Variants in MRGBP observed in about 807,000 individuals in gnomAD.
The protein encoded by MRGBP is MRG domain binding protein, also known as MRG/MORF4L-binding protein.
In MRGBP, 5 loss-of-function variants were observed where a neutral mutation model predicts 21.5. The observed-to-expected ratio is 0.23, with a 90% CI of 0.12 to 0.49. The LOEUF is 0.49. MRGBP is among the 20% of genes least tolerant of loss of function. The probability of loss-of-function intolerance (pLI) is 0.98; values close to 1 mark genes in which losing one functional copy is unlikely to be tolerated. For missense variants in MRGBP, 227 were observed against 277.4 expected, an observed-to-expected ratio of 0.82 and a Z score of 1.29; for synonymous variants, 118 against 104.4, an observed-to-expected ratio of 1.13 and a Z score of -0.79.
In MRGBP at chr20:62,801,156, A is replaced by G. The variant is rs1167244820; in HGVS notation, c.*1513A>G. 3 of 152,224 alleles carry G rather than the reference A, an allele frequency of 2.0e-5. No individual in the cohort carries two copies. Among genetic ancestry groups the G allele is most frequent in the East Asian group, 1.9e-4 (1 of 5,200 alleles). The allele number at this position is 152,224 out of a possible 1,614,324, so 9.4% of individuals were successfully genotyped here. A position where few individuals can be genotyped will look rare whatever the true frequency, so the allele number is the denominator to read the frequency against. On this transcript the variant is annotated 3_prime_UTR_variant, in exon 5 of 5. Transcript: ENST00000370487. ...CCTGCCACTCGTCTGCACCAAACGC[A>G]CTGCCAGTTCTGGGGAAGAACAGCC...
rs1332484126 is a variant in MRGBP, at chr20:62,796,573, C to T, written c.50C>T (p.Pro17Leu). 2.4e-6 allele frequency: 3 copies of T among 1,254,898 alleles called. No individual in the cohort carries two copies. The highest frequency in any genetic ancestry group is 2.5e-5 in the South Asian group (1 of 39,532). 77.7% of individuals were successfully genotyped at this position (1,254,898 alleles called of 1,614,324 possible). A position where few individuals can be genotyped will look rare whatever the true frequency, so the allele number is the denominator to read the frequency against. Residue 17 changes from proline to leucine, a missense_variant, in exon 1 of 5, where the codon CCG becomes CTG. Pro to Leu is a moderately conservative substitution (Grantham distance 98). Around this residue, in one of 2 missense-constraint regions of MRGBP, gnomAD observed 65 missense variants for 49.7 expected, o/e 1.31. Transcript: ENST00000370487. The stretch of plus-strand genomic sequence containing the variant: ...GGGGGCGCCGCAGGCGACAAGGGCC[C>T]GGGGGAGGCGGCCACCAGCCCGGCG... The part of the protein sequence containing the change: ...GGGGAAGDKG[P>L]GEAATSPAEE...
rs932669136 is a variant in MRGBP, at chr20:62,799,859, C to T, written c.*216C>T. 1.8e-6 allele frequency: 1 copy of T among 561,794 alleles called. No individual in the cohort carries two copies. Among genetic ancestry groups the T allele is most frequent in the African/African-American group, 1.9e-5 (1 of 53,392 alleles). The allele number at this position is 561,794 out of a possible 1,614,324, so 34.8% of individuals were successfully genotyped here. Reference sequence around the variant, plus strand: ...TGGGACCCTGATGGACCTGAAAGACCAGGATCGGTCCAGCTCAGATATTGA... The same window carrying T: ...TGGGACCCTGATGGACCTGAAAGACTAGGATCGGTCCAGCTCAGATATTGA... On this transcript the variant is annotated 3_prime_UTR_variant, in exon 5 of 5. Transcript: ENST00000370487.
intron 4 of MRGBP, 86 bp downstream of exon 4, chr20:62,799,135 G>C: frequency 7.1e-7 from 1 of 1,417,418 alleles, no homozygotes; most frequent in Non-Finnish European, 9.7e-7. Flanking sequence ...TCAGGTGGGC[G>C]TAGAGCCTGC....
In MRGBP at chr20:62,801,306, C is replaced by G. The variant is rs1990458031; in HGVS notation, c.*1663C>G. The G allele has an allele frequency of 6.6e-6, 1 of 152,248 alleles. No homozygotes were observed. The highest frequency in any genetic ancestry group is 2.1e-4 in the South Asian group (1 of 4,832). The allele number at this position is 152,248 out of a possible 1,614,324, so 9.4% of individuals were successfully genotyped here. A position where few individuals can be genotyped will look rare whatever the true frequency, so the allele number is the denominator to read the frequency against. On this transcript the variant is annotated 3_prime_UTR_variant, in exon 5 of 5. Coordinates refer to ENST00000370487, the MANE Select transcript of MRGBP (RefSeq NM_018270.6). ...AAATCCACAGCCCTGCAGTAACAGC[C>G]TGCCACAAAGAGCAGGCATCTGGAG...
chr20:62,796,493 C>T lies in MRGBP; in HGVS notation c.-31C>T, dbSNP rs999128831. On this transcript the variant is annotated 5_prime_UTR_variant, in exon 1 of 5. Transcript: ENST00000370487. ...AGCTCGTGGCCGCGCCTGCTCCCGC[C>T]GGGGGCTCCTTGCTCGGCCGGGCCG... is the stretch of plus-strand genomic sequence containing the variant. The T allele has an allele frequency of 2.7e-5, 30 of 1,118,718 alleles. No individual in the cohort carries two copies. The highest frequency in any genetic ancestry group is 3.2e-5 in the Non-Finnish European group (29 of 915,540). The allele number at this position is 1,118,718 out of a possible 1,614,324, so 69.3% of individuals were successfully genotyped here. A position where few individuals can be genotyped will look rare whatever the true frequency, so the allele number is the denominator to read the frequency against.
intron 2 of MRGBP, 138 bp downstream of exon 2, chr20:62,797,369 C>G: frequency 8.3e-7 from 1 of 1,208,950 alleles, no homozygotes; most frequent in Non-Finnish European, 1.1e-6. Flanking sequence ...CCCCTCCATG[C>G]CTGCTGGGGT....
rs544782615 is a variant in MRGBP at position 62,799,592 on chromosome 20, C to A, written c.564C>A (p.Thr188=). 3.7e-6 allele frequency: 6 copies of A among 1,613,668 alleles called. No individual in the cohort carries two copies. Among genetic ancestry groups the A allele is most frequent in the Non-Finnish European group, 5.1e-6 (6 of 1,180,016 alleles). Reference sequence around the variant, plus strand: ...GCCGGGTCACCGACAAAGTCCTGACCGCAAACAGCAACCCTTCCAGTCCCA... The same window carrying A: ...GCCGGGTCACCGACAAAGTCCTGACAGCAAACAGCAACCCTTCCAGTCCCA... ...KRSRVTDKVL[T]ANSNPSSPSA... Residue 188 remains threonine (T), a synonymous_variant, in exon 5 of 5, where the codon ACC becomes ACA. Coordinates refer to ENST00000370487, the MANE Select transcript of MRGBP (RefSeq NM_018270.6).
Position 62,799,016 on chromosome 20 carries a change from G to A in MRGBP, c.394G>A (p.Glu132Lys). 3 of 1,613,442 alleles carry A rather than the reference G, an allele frequency of 1.9e-6. No individual in the cohort carries two copies. Among genetic ancestry groups the A allele is most frequent in the Non-Finnish European group, 2.5e-6 (3 of 1,179,764 alleles). ...IEEEMKEEMKEDVDPHNGADD... is the reference protein window; with the variant it reads ...IEEEMKEEMKKDVDPHNGADD... ...AGAGGAGATGAAAGAGGAGATGAAG[G>A]AAGACGTGGACCCCCACAATGGGGC... is the stretch of plus-strand genomic sequence containing the variant. Residue 132 changes from glutamate to lysine, a missense_variant, in exon 4 of 5, where the codon GAA becomes AAA. Glu to Lys is a moderately conservative substitution (Grantham distance 56, BLOSUM62 1). Around this residue, in one of 2 missense-constraint regions of MRGBP, gnomAD observed 162 missense variants for 227.7 expected, o/e 0.71. Coordinates refer to ENST00000370487, the MANE Select transcript of MRGBP (RefSeq NM_018270.6).
chr20:62,798,424 AAAG>A (rs761293579), intron 2 of MRGBP, among the ~76,000 whole-genome samples, 160 bp from the exon 3 acceptor site: 1 of 152,182 alleles, frequency 6.6e-6, no homozygotes. Context: ...CTGTTCACAA[AAAG>A]AAGAAATGCC....
chr20:62,799,706 TG>T lies in MRGBP; in HGVS notation c.*66del, dbSNP rs1195111814. 8 of 1,519,812 alleles carry T rather than the reference TG, an allele frequency of 5.3e-6. No homozygotes were observed. The African/African-American group carries it at 1.1e-4, about 21-fold the overall frequency. The allele number at this position is 1,519,812 out of a possible 1,614,324, so 94.1% of individuals were successfully genotyped here. ...CACTGTGGTCGCTGAGGGGGTTGGC[TG>T]GGTCTGAGTGCCACCCCCCAGGCCA... On this transcript the variant is annotated 3_prime_UTR_variant, in exon 5 of 5. Coordinates refer to ENST00000370487, the MANE Select transcript of MRGBP (RefSeq NM_018270.6).
intron 2 of MRGBP, 78 bp from the exon 3 acceptor site, chr20:62,798,509 T>C (rs1393935535): frequency 1.6e-6 from 2 of 1,274,946 alleles, no homozygotes; most frequent in African/African-American, 2.9e-5. Context: ...CCCAAGTGGC[T>C]CTTACACGGC....
At chr20:62,799,336 G>A in intron 4 of MRGBP, 120 bp from the exon 5 acceptor site, 2 of 1,162,458 alleles carry the variant, frequency 1.7e-6, no homozygotes, top group South Asian at 1.6e-5. Context: ...TCCCAGCTCA[G>A]GAGGAAGCTT....
intron 2 of MRGBP, among the ~76,000 whole-genome samples, chr20:62,798,182 C>T (rs958210575): frequency 1.3e-5 from 2 of 152,220 alleles, no homozygotes; most frequent in Non-Finnish European, 2.9e-5. Context: ...GCGGCCTTTC[C>T]CCAGGGCTGT....
In MRGBP at chr20:62,797,177, C is replaced by T. The variant is rs754551821; in HGVS notation, c.216C>T (p.Val72=). The T allele has an allele frequency of 6.2e-7, 1 of 1,606,312 alleles. No individual in the cohort carries two copies. The highest frequency in any genetic ancestry group is 8.5e-7 in the Non-Finnish European group (1 of 1,177,548). Residue 72 remains valine, a synonymous_variant, in exon 2 of 5, where the codon GTC becomes GTT. Transcript: ENST00000370487. ...TCAGCCAGAACATCGGGCGGCAGGT[C>T]CCATCCAAGGTCATCTGGGACCATC... ...DKFSQNIGRQ[V]PSKVIWDHLS... is the part of the protein sequence containing the mutation.
intron 4 of MRGBP, 55 bp from the exon 5 acceptor site, chr20:62,799,399 GAC>G: frequency 6.4e-7 from 1 of 1,559,300 alleles, no homozygotes; most frequent in Non-Finnish European, 8.7e-7. Flanking sequence ...TGAACAGGAA[GAC>G]AAAAATAAGA....
At position 62,798,989 on chromosome 20, in the gene MRGBP, GAAGAGGAGATGA is replaced by G. The variant is rs766358770; in HGVS notation, c.381_392del (p.Glu129_Glu132del). On this transcript the variant is annotated inframe_deletion, in exon 4 of 5. Transcript: ENST00000370487. The stretch of plus-strand genomic sequence containing the variant: ...CTCCTCCACAGGAAAAGTGATGATA[GAAGAGGAGATGA>G]AAGAGGAGATGAAGGAAGACGTGGA... 5.0e-6 allele frequency: 8 copies of G among 1,613,664 alleles called. No individual in the cohort carries two copies. Among genetic ancestry groups the G allele is most frequent in the South Asian group, 3.3e-5 (3 of 91,094 alleles).
chr20:62,799,433 C>T (rs1990407544), intron 4 of MRGBP, 23 bp from the exon 5 acceptor site: 3 of 1,600,864 alleles, frequency 1.9e-6, no homozygotes, highest in African/African-American at 2.7e-5. Context: ...CTGTTTTCAG[C>T]CAAGTGATTT....
intron 1 of MRGBP, 42 bp from the exon 2 acceptor site, chr20:62,797,068 C>T: frequency 1.3e-6 from 2 of 1,560,048 alleles, no homozygotes; most frequent in Non-Finnish European, 1.7e-6. Flanking sequence ...CCCCTTTCTC[C>T]TCACCGCTCA....
rs1990410110 is a variant in MRGBP at position 62,799,550 on chromosome 20, A to T, written c.522A>T (p.Ala174=). 3.1e-6 allele frequency: 5 copies of T among 1,613,914 alleles called. No homozygotes were observed. The highest frequency in any genetic ancestry group is 4.2e-6 in the Non-Finnish European group (5 of 1,180,018). ...CAGACTTGGGGTGCAAAGAAGGCGC[A>T]GACAAGCGGAAGCGCAGCCGGGTCA... The part of the protein sequence containing the change: ...NSSDLGCKEG[A]DKRKRSRVTD... Residue 174 remains alanine, a synonymous_variant, in exon 5 of 5, where the codon GCA becomes GCT. Transcript: ENST00000370487.
Sources: gnomAD v4.1 joint callset for allele counts (sites outside exome capture counted in the v4.1 genomes callset) on GRCh38, gnomAD v4.1.1 for gene constraint, gnomAD v4.1.1 regional missense constraint, MANE v1.5 for transcripts, NCBI Gene and HGNC (gene_info 2026-07-23, HGNC 2026-07-21) for gene names.